The following FBXL17 variants were observed in gnomAD, a reference collection of about 807,000 sequenced individuals.
FBXL17 encodes the protein F-box and leucine rich repeat protein 17, also known as F-box/LRR-repeat protein 17.
Under a neutral mutation model 66.2 loss-of-function variants are expected in FBXL17, and 22 were observed. The observed-to-expected ratio is 0.33, with a 90% CI of 0.24 to 0.47. The LOEUF (loss-of-function observed/expected upper bound fraction) is 0.47, where lower values mean the gene tolerates loss of function less well. FBXL17 is among the 20% of genes least tolerant of loss of function. The pLI, the probability that FBXL17 is intolerant of heterozygous loss-of-function variation, is 1.00. For synonymous variants in FBXL17, 474 were observed against 400.5 expected (o/e 1.18, Z -2.19); for missense variants, 878 against 948.2 (o/e 0.93, Z 0.97).
intron 6 of FBXL17, among the ~76,000 whole-genome samples, chr5:108,073,021 C>T (rs1314440354): frequency 1.3e-5 from 2 of 151,978 alleles, no homozygotes; most frequent in Non-Finnish European, 2.9e-5. Flanking sequence ...ATATTTTTAC[C>T]TCAGGATGAA....
rs570459207 is a variant in FBXL17, at chr5:107,993,954, C to T, written c.1822+26971G>A. Reference sequence around the variant, plus strand: ...AATATACATTCCCCTCATAGTGTCCCTCTCAGGGCTGTGGTATAGAAGTTA... The same window carrying T: ...AATATACATTCCCCTCATAGTGTCCTTCTCAGGGCTGTGGTATAGAAGTTA... On this transcript the variant is annotated intron_variant, in intron 7 of 8. Coordinates refer to ENST00000542267, the MANE Select transcript of FBXL17 (RefSeq NM_001163315.3). Among the ~76,000 whole-genome samples the T allele has an allele frequency of 3.3e-5, 5 of 152,146 alleles. No individual in the cohort carries two copies. The South Asian group carries it at 1.0e-3, about 32-fold the overall frequency.
chr5:108,293,087 C>CAAAAAAAAACAAA (rs1561511075), intron 4 of FBXL17, among the ~76,000 whole-genome samples: 26 of 116,480 alleles, frequency 2.2e-4, no homozygotes, highest in Non-Finnish European at 1.3e-4. Flanking sequence ...GACTCTGTCT[C>CAAAAAAAAACAAA]AAAAAAAAAA....
chr5:108,361,781 A>G (rs2112554063), intron 3 of FBXL17, among the ~76,000 whole-genome samples: 1 of 152,232 alleles, frequency 6.6e-6, no homozygotes, highest in Non-Finnish European at 1.5e-5. Context: ...AAACAGATAT[A>G]TAAGCACCTG....
At chr5:108,341,188 T>C (rs1443812454) in intron 4 of FBXL17, among the ~76,000 whole-genome samples, 2 of 152,144 alleles carry the variant, frequency 1.3e-5, no homozygotes, top group Non-Finnish European at 2.9e-5. Flanking sequence ...TTATACCCAT[T>C]ATGGCTAGAT....
At chr5:108,304,043 T>C (rs1264812403) in intron 4 of FBXL17, among the ~76,000 whole-genome samples, 2 of 151,962 alleles carry the variant, frequency 1.3e-5, no homozygotes, top group Non-Finnish European at 2.9e-5. Flanking sequence ...TTATACCATG[T>C]TCCTTCCTAC....
intron 6 of FBXL17, among the ~76,000 whole-genome samples, chr5:108,038,419 A>G (rs1364781965): frequency 1.3e-5 from 2 of 152,104 alleles, no homozygotes; most frequent in African/African-American, 4.8e-5. Flanking sequence ...AGGGGATCAG[A>G]AGATGAAATA....
intron 7 of FBXL17, among the ~76,000 whole-genome samples, chr5:108,019,665 A>ACT (rs147557393): frequency 2.7e-4 from 40 of 148,970 alleles, no homozygotes; most frequent in African/African-American, 5.4e-4. Context: ...ACACACACAC[A>ACT]CTCTCTCTCT....
At chr5:108,268,333 T>G (rs1757126830) in intron 4 of FBXL17, among the ~76,000 whole-genome samples, 1 of 152,170 alleles carries the variant, frequency 6.6e-6, no homozygotes, top group African/African-American at 2.4e-5. Context: ...GCTTTTATAC[T>G]TAACTTCACC....
At chr5:107,899,003 G>C (rs1041580455) in intron 7 of FBXL17, among the ~76,000 whole-genome samples, 3 of 152,156 alleles carry the variant, frequency 2.0e-5, no homozygotes, top group African/African-American at 7.2e-5. Context: ...GCTGGATCAA[G>C]TGGTATTTCT....
chr5:107,902,074 G>A (rs907864378), intron 7 of FBXL17, among the ~76,000 whole-genome samples: 10 of 152,316 alleles, frequency 6.6e-5, no homozygotes, highest in East Asian at 3.9e-4. Flanking sequence ...GAGGAACATC[G>A]TGAGAGCTAA....
chr5:108,219,928 C>CTTTTTTTTTTTTTTTT lies in FBXL17; in HGVS notation c.1614+4177_1614+4192dup. 1.2e-3 allele frequency among the ~76,000 whole-genome samples: 46 copies of CTTTTTTTTTTTTTTTT among 37,458 alleles called. 1 individual carries two copies. The highest frequency in any genetic ancestry group is 1.5e-3 in the Non-Finnish European group (32 of 21,880). 24.6% of individuals were successfully genotyped at this position (37,458 alleles called of 152,430 possible). On this transcript the variant is annotated intron_variant, in intron 5 of 8. Transcript: ENST00000542267. Reference sequence around the variant, plus strand: ...TTTCCTCTTTGATCTTTACTATTTCCTTTTTTTTTTTTTTTTTTTTTTTGC... The same window carrying CTTTTTTTTTTTTTTTT: ...TTTCCTCTTTGATCTTTACTATTTCCTTTTTTTTTTTTTTTTTTTTTTTTTTTTTTTTTTTTTTTGC...
intron 6 of FBXL17, among the ~76,000 whole-genome samples, chr5:108,164,991 A>T (rs1752360275): frequency 6.6e-6 from 1 of 152,250 alleles, no homozygotes; most frequent in African/African-American, 2.4e-5. Flanking sequence ...CAATTGGCAT[A>T]GGTATGGAGA....
At chr5:107,922,452 G>A (rs541429001) in intron 7 of FBXL17, among the ~76,000 whole-genome samples, 1 of 152,222 alleles carries the variant, frequency 6.6e-6, no homozygotes, top group Admixed American at 6.5e-5. Context: ...GGCCCACTGG[G>A]CAGAAGACTG....
At chr5:107,866,182 CAT>C (rs1331705137) in intron 8 of FBXL17, among the ~76,000 whole-genome samples, 1 of 151,852 alleles carries the variant, frequency 6.6e-6, no homozygotes, top group Non-Finnish European at 1.5e-5. Context: ...CTATATGACA[CAT>C]GAGATTTAAA....
At chr5:108,312,252 C>A (rs1759157560) in intron 4 of FBXL17, among the ~76,000 whole-genome samples, 1 of 152,076 alleles carries the variant, frequency 6.6e-6, no homozygotes, top group Admixed American at 6.6e-5. Context: ...CCATAAAAAA[C>A]ACAATTTTTA....
In FBXL17 at chr5:108,185,001, T is replaced by C. The variant is rs905245267; in HGVS notation, c.1745+1116A>G. Among the ~76,000 whole-genome samples the C allele has an allele frequency of 9.3e-4, 142 of 152,290 alleles. 3 individuals carry two copies. Among genetic ancestry groups the C allele is most frequent in the African/African-American group, 3.2e-3 (135 of 41,564 alleles). ...TCTACCTAATCAGTAGTGCTAGCGC[T>C]ACTCTGTTGTTTTCATTATAATAGT... On this transcript the variant is annotated intron_variant, in intron 6 of 8. Coordinates refer to ENST00000542267, the MANE Select transcript of FBXL17 (RefSeq NM_001163315.3).
At chr5:108,207,151 C>T (rs116372903) in intron 5 of FBXL17, among the ~76,000 whole-genome samples, 1 of 152,034 alleles carries the variant, frequency 6.6e-6, no homozygotes, top group Non-Finnish European at 1.5e-5. Flanking sequence ...CCCCGACCCC[C>T]TCAAAATATC....
At chr5:108,295,845 A>G (rs1175140577) in intron 4 of FBXL17, among the ~76,000 whole-genome samples, 1 of 151,774 alleles carries the variant, frequency 6.6e-6, no homozygotes, top group Non-Finnish European at 1.5e-5. Context: ...AAGACTATAA[A>G]GTTCTAGCGA....
At chr5:108,311,967 C>T (rs115809049) in intron 4 of FBXL17, among the ~76,000 whole-genome samples, 2,386 of 152,240 alleles carry the variant, frequency 0.016, 60 homozygotes, top group African/African-American at 0.055. Context: ...CAGACCCTGA[C>T]CCCATCTCCT....
Sources: allele counts gnomAD v4.1 joint callset (sites outside exome capture counted in the v4.1 genomes callset), GRCh38; gene constraint gnomAD v4.1.1; transcripts MANE v1.5; gene names NCBI Gene and HGNC (gene_info 2026-07-23, HGNC 2026-07-21).